The following PLEKHG4B variants were observed in gnomAD, a reference collection of about 807,000 sequenced individuals.
PLEKHG4B encodes pleckstrin homology domain-containing family G member 4B.
In PLEKHG4B, 111 loss-of-function variants were observed where a neutral mutation model predicts 121.3. That is an observed-to-expected ratio of 0.92 (90% CI 0.78 to 1.07). PLEKHG4B has a LOEUF of 1.07. PLEKHG4B is among the 50% of genes least tolerant of loss of function. The probability of loss-of-function intolerance (pLI) is 0.00; values close to 1 mark genes in which losing one functional copy is unlikely to be tolerated. For synonymous variants in PLEKHG4B, 738 were observed against 725.0 expected (o/e 1.02, Z -0.29); for missense variants, 1,831 against 1,757.8 (o/e 1.04, Z -0.74).
chr5:155,011 G>A lies in PLEKHG4B; in HGVS notation c.2109+20G>A. The A allele has an allele frequency of 6.3e-7, 1 of 1,579,162 alleles. No homozygotes were observed. The highest frequency in any genetic ancestry group is 8.7e-7 in the Non-Finnish European group (1 of 1,151,420). ...CGTCAGGTAGGTTCAGCCTGCAGCT[G>A]CTGCACATGCGACAGTCTCTGGGGA... is the stretch of plus-strand genomic sequence containing the variant. On this transcript the variant is annotated intron_variant, in intron 8 of 19. Coordinates refer to ENST00000637938, the MANE Select transcript of PLEKHG4B (RefSeq NM_052909.5).
intron 7 of PLEKHG4B, among the ~76,000 whole-genome samples, chr5:152,954 A>G (rs1238699513): frequency 6.6e-6 from 1 of 152,130 alleles, no homozygotes; most frequent in Non-Finnish European, 1.5e-5. Flanking sequence ...CCATGATTGT[A>G]AGTTTCCTAA....
rs1480336677 is a variant in PLEKHG4B, at chr5:139,266, CT to C, written c.244-211del. ...GCCTCCAGGAAGAGCTATACAATTG[CT>C]TTTTTAACTGACCCCTGAACCAAAG... On this transcript the variant is annotated intron_variant, in intron 2 of 19. Transcript: ENST00000637938. This position sits in a 1 kb window ranked among gnomAD's most constrained non-coding sequence, Gnocchi z 5.0. Among the ~76,000 whole-genome samples the C allele has an allele frequency of 6.6e-6, 1 of 152,228 alleles. No individual in the cohort carries two copies. Among genetic ancestry groups the C allele is most frequent in the African/African-American group, 2.4e-5 (1 of 41,446 alleles).
chr5:96,349 A>G (rs1328716887), intron 1 of PLEKHG4B, among the ~76,000 whole-genome samples: 1 of 151,386 alleles, frequency 6.6e-6, no homozygotes, highest in Non-Finnish European at 1.5e-5. Flanking sequence ...GTAAGGAAAA[A>G]AGAATGAGTT....
intron 1 of PLEKHG4B, among the ~76,000 whole-genome samples, chr5:99,184 ATATATATATATAT>A (rs1733725643): frequency 1.0e-5 from 1 of 96,408 alleles, no homozygotes; most frequent in Non-Finnish European, 2.1e-5. Context: ...ATATATATAT[ATATATATATATAT>A]ATATATATAT....
At chr5:164,558 C>A (rs1189176317) in intron 13 of PLEKHG4B, among the ~76,000 whole-genome samples, 1 of 108,046 alleles carries the variant, frequency 9.3e-6, no homozygotes, top group Admixed American at 8.4e-5. Flanking sequence ...CACAGTAATG[C>A]TCTGACAGGG....
In PLEKHG4B at chr5:137,731, G is replaced by A. The variant is rs991396964; in HGVS notation, c.244-1752G>A. 3.9e-5 allele frequency among the ~76,000 whole-genome samples: 6 copies of A among 152,180 alleles called. No homozygotes were observed. Among genetic ancestry groups the A allele is most frequent in the East Asian group, 1.9e-4 (1 of 5,198 alleles). On this transcript the variant is annotated intron_variant, in intron 2 of 19. Coordinates refer to ENST00000637938, the MANE Select transcript of PLEKHG4B (RefSeq NM_052909.5). The surrounding 1 kb of genome is among the most constrained non-coding windows in gnomAD (Gnocchi z 4.2). ...TTCAACAGTCACTTGTGCATTTTAC[G>A]TCAAATCACCACTTCACAGGAACAT...
intron 13 of PLEKHG4B, 167 bp from the exon 14 acceptor site, chr5:169,173 C>T (rs1485194931): frequency 6.6e-6 from 6 of 905,228 alleles, no homozygotes; most frequent in East Asian, 5.2e-5. Context: ...CACGCCTGGC[C>T]GGAAGCTTTT....
chr5:162,295 G>A (rs1272995706), intron 12 of PLEKHG4B, among the ~76,000 whole-genome samples: 25 of 125,418 alleles, frequency 2.0e-4, no homozygotes, highest in South Asian at 1.4e-3. Flanking sequence ...GCACGCCTGC[G>A]AGCTCCCCCG....
Position 140,508 on chromosome 5 carries a change from G to A in PLEKHG4B, c.1269G>A (p.Arg423=), listed in dbSNP as rs1735132736. The A allele has an allele frequency of 6.3e-7, 1 of 1,597,190 alleles. No individual in the cohort carries two copies. The highest frequency in any genetic ancestry group is 8.5e-7 in the Non-Finnish European group (1 of 1,172,434). Residue 423 remains arginine, a synonymous_variant, in exon 3 of 20, where the codon CGG becomes CGA. Transcript: ENST00000637938. ...AGAAGGAGAGGCACACACCCAGCCG[G>A]ACAGGTCCAGGAGCTGCAGGGCGGA... ...SLEKERHTPS[R]TGPGAAGRTL... is the part of the protein sequence containing the mutation.
chr5:171,149 C>T lies in PLEKHG4B; in HGVS notation c.3819+17C>T, dbSNP rs755086611. On this transcript the variant is annotated intron_variant, in intron 15 of 19. Coordinates refer to ENST00000637938, the MANE Select transcript of PLEKHG4B (RefSeq NM_052909.5). ...TTCTTCAAGGTCATCCCCCTCGGCC[C>T]GCCCCCCACAGCCTGCCCGGCCCTC... 19 of 1,610,158 alleles carry T rather than the reference C, an allele frequency of 1.2e-5. No individual in the cohort carries two copies. Among genetic ancestry groups the T allele is most frequent in the South Asian group, 3.3e-5 (3 of 90,708 alleles).
chr5:173,159 C>G (rs547115119), intron 17 of PLEKHG4B, 92 bp downstream of exon 17: 1 of 1,305,592 alleles, frequency 7.7e-7, no homozygotes, highest in Non-Finnish European at 1.1e-6. Flanking sequence ...AGCAGAGGAA[C>G]TGGGAGGGAG....
chr5:177,348 T>C (rs543041903), intron 18 of PLEKHG4B, among the ~76,000 whole-genome samples: 131 of 152,362 alleles, frequency 8.6e-4, no homozygotes, highest in African/African-American at 3.0e-3. Flanking sequence ...CAGTATATTT[T>C]CTAACTTCCA....
intron 18 of PLEKHG4B, among the ~76,000 whole-genome samples, chr5:178,408 T>C (rs1186657495): frequency 1.3e-5 from 2 of 152,248 alleles, no homozygotes; most frequent in Non-Finnish European, 1.5e-5. Flanking sequence ...CCTAGCATTT[T>C]GGTAAATTTT....
intron 2 of PLEKHG4B, among the ~76,000 whole-genome samples, chr5:121,164 G>A (rs973555438): frequency 1.2e-4 from 18 of 151,910 alleles, no homozygotes; most frequent in African/African-American, 3.6e-4. Flanking sequence ...GGAGAATGGC[G>A]TGAACCCGGG....
chr5:156,847 A>G lies in PLEKHG4B; in HGVS notation c.2423A>G (p.Asn808Ser). 1 of 1,605,980 alleles carries G rather than the reference A, an allele frequency of 6.2e-7. No homozygotes were observed. The highest frequency in any genetic ancestry group is 8.5e-7 in the Non-Finnish European group (1 of 1,176,968). The change falls in exon 11 of 20, where the codon AAC becomes AGC. Residue 808 changes from asparagine (N) to serine (S), a missense_variant. By Grantham distance (46) the Asn-to-Ser change is conservative. Transcript: ENST00000637938. The surrounding 1 kb of genome is among the most constrained non-coding windows in gnomAD (Gnocchi z 4.4). The stretch of plus-strand genomic sequence containing the variant: ...GTGCACAGGCTGGTCCTCACCTCGA[A>G]CAATCGTCTCCAGCAGCTGGAGCAC... ...EEVHRLVLTS[N>S]NRLQQLEHLR... is the part of the protein sequence containing the mutation.
At chr5:172,106 C>T (rs1048066511) in intron 16 of PLEKHG4B, among the ~76,000 whole-genome samples, 13 of 152,348 alleles carry the variant, frequency 8.5e-5, no homozygotes, top group African/African-American at 2.4e-4. Flanking sequence ...AGGGTGGGAC[C>T]CCACATGAGC....
At position 162,917 on chromosome 5, in the gene PLEKHG4B, C is replaced by G. The variant is rs1736075802; in HGVS notation, c.2845C>G (p.Gln949Glu). 1 of 1,543,670 alleles carries G rather than the reference C, an allele frequency of 6.5e-7. No homozygotes were observed. The highest frequency in any genetic ancestry group is 8.7e-7 in the Non-Finnish European group (1 of 1,144,466). ...SQQDLWLQYP[Q>E]TRLRLEEALS... ...GCAAGACCTGTGGCTGCAGTACCCC[C>G]AGACCCGGCTCCGTCTGGAAGAGGC... The change falls in exon 13 of 20, where the codon CAG (glutamine) becomes GAG (glutamate). Residue 949 changes from glutamine to glutamate, a missense_variant. Coordinates refer to ENST00000637938, the MANE Select transcript of PLEKHG4B (RefSeq NM_052909.5).
At position 143,364 on chromosome 5, in the gene PLEKHG4B, G is replaced by A. The variant is rs139992460; in HGVS notation, c.1688-16G>A. ...GAGTGAAGCCCTTGGCAGCTGCCCTGTCTCTGTCTCCGCAGGGACCCGAGA... is the reference window on the plus strand; with the variant it reads ...GAGTGAAGCCCTTGGCAGCTGCCCTATCTCTGTCTCCGCAGGGACCCGAGA... On this transcript the variant is annotated splice_polypyrimidine_tract_variant and intron_variant, in intron 4 of 19. Coordinates refer to ENST00000637938, the MANE Select transcript of PLEKHG4B (RefSeq NM_052909.5). 8.1e-5 allele frequency: 130 copies of A among 1,610,684 alleles called. No homozygotes were observed. Among genetic ancestry groups the A allele is most frequent in the Non-Finnish European group, 9.8e-5 (116 of 1,178,676 alleles).
intron 13 of PLEKHG4B, among the ~76,000 whole-genome samples, chr5:167,256 G>T (rs971134435): frequency 2.0e-5 from 3 of 152,218 alleles, no homozygotes; most frequent in African/African-American, 7.2e-5. Context: ...GCCAGGAGGT[G>T]CTGTGTTCTC....
Sources: allele counts gnomAD v4.1 joint callset (sites outside exome capture counted in the v4.1 genomes callset), GRCh38; gene constraint gnomAD v4.1.1; non-coding constraint Gnocchi (gnomAD v3.1); transcripts MANE v1.5; gene names NCBI Gene and HGNC (gene_info 2026-07-23, HGNC 2026-07-21).